Variants in GUCY1A1 observed in about 807,000 individuals in gnomAD.
GUCY1A1 encodes guanylate cyclase soluble subunit alpha-1.
Under a neutral mutation model 64.5 loss-of-function variants are expected in GUCY1A1, and 48 were observed. That is an observed-to-expected ratio of 0.74 (90% CI 0.59 to 0.95). GUCY1A1 has a LOEUF of 0.95. Among genes scored for constraint, GUCY1A1 ranks in the 40% least tolerant of loss-of-function variants. GUCY1A1 has a pLI of 0.00. For synonymous variants in GUCY1A1, 308 were observed against 303.4 expected (o/e 1.02, Z -0.16); for missense variants, 804 against 825.3 (o/e 0.97, Z 0.32).
rs1176663830 is a variant in GUCY1A1 at position 155,724,375 on chromosome 4, T to C, written c.1871+2183T>C. 2.6e-5 allele frequency among the ~76,000 whole-genome samples: 4 copies of C among 152,278 alleles called. No individual in the cohort carries two copies. The East Asian group carries it at 7.7e-4, about 29-fold the overall frequency. On this transcript the variant is annotated intron_variant, in intron 9 of 9. Coordinates refer to ENST00000506455, the MANE Select transcript of GUCY1A1 (RefSeq NM_001130682.3). ...GCTACAATTTTCAATTTCTGCTCTGTTTTATAGCAAAACTGAAAGAAGTTG... is the reference window on the plus strand; with the variant it reads ...GCTACAATTTTCAATTTCTGCTCTGCTTTATAGCAAAACTGAAAGAAGTTG...
rs774692653 is a variant in GUCY1A1 at position 155,710,964 on chromosome 4, T to C, written c.799T>C (p.Ser267Pro). Reference protein sequence around the residue: ...VHMKSTKPSLSPSKPQSSLVI... With the variant: ...VHMKSTKPSLPPSKPQSSLVI... Reference sequence around the variant, plus strand: ...CATGAAAAGCACCAAGCCATCCCTGTCCCCCAGCAAACCCCAGTCCTCGCT... The same window carrying C: ...CATGAAAAGCACCAAGCCATCCCTGCCCCCCAGCAAACCCCAGTCCTCGCT... Residue 267 changes from serine (S) to proline (P), a missense_variant, in exon 6 of 10, where the codon TCC becomes CCC. Coordinates refer to ENST00000506455, the MANE Select transcript of GUCY1A1 (RefSeq NM_001130682.3). The C allele has an allele frequency of 1.9e-6, 3 of 1,613,278 alleles. No homozygotes were observed. In the African/African-American group the frequency reaches 4.0e-5, roughly 22 times the overall value.
intron 8 of GUCY1A1, among the ~76,000 whole-genome samples, chr4:155,719,832 G>C (rs1358747752): frequency 6.6e-6 from 1 of 152,096 alleles, no homozygotes; most frequent in Non-Finnish European, 1.5e-5. Context: ...TGAGAAATGG[G>C]CTATGCCACA....
At chr4:155,725,808 G>A (rs1384623) in intron 9 of GUCY1A1, among the ~76,000 whole-genome samples, 106,000 of 151,852 alleles carry the variant, frequency 0.7, 38,604 homozygotes, top group African/African-American at 0.92. Context: ...CATGACTTAA[G>A]TCTTAGATTC....
chr4:155,722,957 T>C (rs1221652127), intron 9 of GUCY1A1, among the ~76,000 whole-genome samples: 1 of 152,088 alleles, frequency 6.6e-6, no homozygotes, highest in Non-Finnish European at 1.5e-5. Flanking sequence ...CATGATTCGT[T>C]GAATCATTGG....
chr4:155,716,510 G>A (rs1733252516), intron 7 of GUCY1A1, among the ~76,000 whole-genome samples: 1 of 152,090 alleles, frequency 6.6e-6, no homozygotes, highest in Admixed American at 6.6e-5. Context: ...TTAGATTTTT[G>A]ATAATAGCTT....
intron 9 of GUCY1A1, among the ~76,000 whole-genome samples, chr4:155,726,124 G>A (rs1270228538): frequency 6.6e-6 from 1 of 151,758 alleles, no homozygotes; most frequent in Non-Finnish European, 1.5e-5. Context: ...ACTTTTTATA[G>A]ACAAATATGA....
rs1560964623 is a variant in GUCY1A1, at chr4:155,722,020, G to A, written c.1717-18G>A. Reference sequence around the variant, plus strand: ...TTTTACCAGTGACTGGGAACATCATGTTATTTTTTGCTTTCAGATGCGAAT... The same window carrying A: ...TTTTACCAGTGACTGGGAACATCATATTATTTTTTGCTTTCAGATGCGAAT... On this transcript the variant is annotated intron_variant, in intron 8 of 9. Coordinates refer to ENST00000506455, the MANE Select transcript of GUCY1A1 (RefSeq NM_001130682.3). The A allele has an allele frequency of 6.4e-7, 1 of 1,555,400 alleles. No individual in the cohort carries two copies.
intron 2 of GUCY1A1, among the ~76,000 whole-genome samples, chr4:155,672,144 C>G (rs1400525816): frequency 6.6e-6 from 1 of 151,880 alleles, no homozygotes; most frequent in Non-Finnish European, 1.5e-5. Flanking sequence ...TTTACAAATA[C>G]TTACTGCAAT....
intron 2 of GUCY1A1, among the ~76,000 whole-genome samples, chr4:155,681,002 C>A (rs1735682319): frequency 6.6e-6 from 1 of 151,862 alleles, no homozygotes; most frequent in Admixed American, 6.6e-5. Flanking sequence ...AACCTGCAAC[C>A]TTTTGGCCTT....
chr4:155,717,919 A>G (rs1241320602), intron 8 of GUCY1A1, among the ~76,000 whole-genome samples: 1 of 152,210 alleles, frequency 6.6e-6, no homozygotes, highest in South Asian at 2.1e-4. Flanking sequence ...AGAAGCTGCA[A>G]GTTAGTTTAG....
At chr4:155,697,495 A>G (rs1459454141) in intron 3 of GUCY1A1, among the ~76,000 whole-genome samples, 5 of 152,222 alleles carry the variant, frequency 3.3e-5, no homozygotes, top group African/African-American at 7.2e-5. Flanking sequence ...TTGCCATAAC[A>G]TAAGTGATCA....
At chr4:155,728,123 G>A (rs1374671052) in intron 9 of GUCY1A1, among the ~76,000 whole-genome samples, 1 of 151,912 alleles carries the variant, frequency 6.6e-6, no homozygotes, top group Non-Finnish European at 1.5e-5. Context: ...AATCCACTCA[G>A]TATTATGTTT....
intron 2 of GUCY1A1, among the ~76,000 whole-genome samples, chr4:155,671,508 T>C (rs1037094756): frequency 7.2e-5 from 11 of 152,158 alleles, no homozygotes; most frequent in African/African-American, 1.4e-4. Flanking sequence ...TTCTCCATGG[T>C]ACATATTCTG....
intron 5 of GUCY1A1, among the ~76,000 whole-genome samples, chr4:155,709,644 G>T (rs1037953095): frequency 1.2e-4 from 19 of 152,198 alleles, no homozygotes; most frequent in Admixed American, 3.3e-4. Context: ...GACCAGCCTG[G>T]CCAACATGGT....
chr4:155,720,379 C>CT (rs61665821), intron 8 of GUCY1A1, among the ~76,000 whole-genome samples: 1 of 148,788 alleles, frequency 6.7e-6, no homozygotes, highest in Non-Finnish European at 1.5e-5. Context: ...ATCTATCTAT[C>CT]ACTTGCTAAA....
chr4:155,685,906 C>A (rs1728941142), intron 2 of GUCY1A1, among the ~76,000 whole-genome samples: 1 of 152,096 alleles, frequency 6.6e-6, no homozygotes, highest in African/African-American at 2.4e-5. Flanking sequence ...TCGGTGAGTT[C>A]TGTACTCACA....
chr4:155,713,531 A>G lies in GUCY1A1; in HGVS notation c.1520A>G (p.Asn507Ser), dbSNP rs764628494. 3 of 1,614,046 alleles carry G rather than the reference A, an allele frequency of 1.9e-6. No homozygotes were observed. In the South Asian group the frequency reaches 3.3e-5, roughly 18 times the overall value. ...CCGCTGCAGGTCATCACCATGCTCAATGCACTGTACACTCGCTTCGACCAG... is the reference window on the plus strand; with the variant it reads ...CCGCTGCAGGTCATCACCATGCTCAGTGCACTGTACACTCGCTTCGACCAG... ...CSPLQVITML[N>S]ALYTRFDQQC... is the part of the protein sequence containing the mutation. Residue 507 changes from asparagine (N) to serine (S), a missense_variant, in exon 7 of 10, where the codon AAT (asparagine) becomes AGT (serine). Coordinates refer to ENST00000506455, the MANE Select transcript of GUCY1A1 (RefSeq NM_001130682.3).
At chr4:155,686,209 C>T (rs1728979471) in intron 2 of GUCY1A1, among the ~76,000 whole-genome samples, 1 of 152,184 alleles carries the variant, frequency 6.6e-6, no homozygotes, top group South Asian at 2.1e-4. Flanking sequence ...GGCGTGATGG[C>T]TCATACCTGT....
At chr4:155,680,034 TA>T (rs1451800116) in intron 2 of GUCY1A1, among the ~76,000 whole-genome samples, 1 of 152,226 alleles carries the variant, frequency 6.6e-6, no homozygotes, top group African/African-American at 2.4e-5. Flanking sequence ...TTAATTTGGC[TA>T]TCCTATGTCA....
Sources: gnomAD v4.1 joint callset for allele counts (sites outside exome capture counted in the v4.1 genomes callset) on GRCh38, gnomAD v4.1.1 for gene constraint, MANE v1.5 for transcripts, NCBI Gene and HGNC (gene_info 2026-07-23, HGNC 2026-07-21) for gene names.